Variants in PLA2G12A observed in about 807,000 individuals in gnomAD.
The protein encoded by PLA2G12A is phospholipase A2 group XIIA.
A neutral mutation model predicts 16.0 loss-of-function variants in PLA2G12A; 11 were observed. That is an observed-to-expected ratio of 0.69 (90% CI 0.43 to 1.13). The LOEUF is 1.13. Among genes scored for constraint, PLA2G12A ranks in the 50% most tolerant of loss-of-function variants. PLA2G12A has a pLI of 0.00. For missense variants in PLA2G12A, 214 were observed against 237.3 expected (o/e 0.90, Z 0.65); for synonymous variants, 77 against 93.8 (o/e 0.82, Z 1.03).
In PLA2G12A at chr4:109,717,564, T is replaced by C. The variant is rs1730849140; in HGVS notation, c.435A>G (p.Leu145=). ...CATCCTTACCCTGAACATGCTGAGT[T>C]AGTCCTAGTGTTTTCTGTACATCTC... ...ICRDVQKTLG[L]TQHVQACETT... is the part of the protein sequence containing the mutation. Residue 145 remains leucine, a synonymous_variant, in exon 3 of 4, where the codon CTA becomes CTG. Coordinates refer to ENST00000243501, the MANE Select transcript of PLA2G12A (RefSeq NM_030821.5). The C allele has an allele frequency of 6.2e-7, 1 of 1,613,796 alleles. No homozygotes were observed. The highest frequency in any genetic ancestry group is 8.5e-7 in the Non-Finnish European group (1 of 1,179,720).
Position 109,718,664 on chromosome 4 carries a change from AAT to A in PLA2G12A, c.285+17_285+18del. The A allele has an allele frequency of 6.5e-7, 1 of 1,549,118 alleles. No individual in the cohort carries two copies. Among genetic ancestry groups the A allele is most frequent in the Admixed American group, 1.8e-5 (1 of 55,400 alleles). On this transcript the variant is annotated intron_variant, in intron 2 of 3. Transcript: ENST00000243501. ...GATTTACCAGTTACAAAACTTATCAAATAAAAGACAATATTTACATGAACACC... is the reference window on the plus strand; with the variant it reads ...GATTTACCAGTTACAAAACTTATCAAAAAAGACAATATTTACATGAACACC...
chr4:109,719,701 G>A (rs1297109144), intron 1 of PLA2G12A, among the ~76,000 whole-genome samples: 1 of 152,114 alleles, frequency 6.6e-6, no homozygotes, highest in Non-Finnish European at 1.5e-5. Context: ...GCATATAAAA[G>A]TTTTGTTTAC....
chr4:109,715,047 G>A (rs905010482), intron 3 of PLA2G12A, among the ~76,000 whole-genome samples: 4 of 152,104 alleles, frequency 2.6e-5, no homozygotes, highest in Non-Finnish European at 4.4e-5. Context: ...CTGGACTCAG[G>A]CAGTCCTCCT....
In PLA2G12A at chr4:109,717,613, T is replaced by C; in HGVS notation, c.386A>G (p.Gln129Arg). 6.2e-7 allele frequency: 1 copy of C among 1,613,858 alleles called. No homozygotes were observed. Among genetic ancestry groups the C allele is most frequent in the Non-Finnish European group, 8.5e-7 (1 of 1,179,714 alleles). The change falls in exon 3 of 4, where the codon CAG (glutamine) becomes CGG (arginine). Residue 129 changes from glutamine (Q) to arginine (R), a missense_variant. Transcript: ENST00000243501. ...KSKNDCDEEF[Q>R]YCLSKICRDV... Reference sequence around the variant, plus strand: ...TCGGCAGATCTTGGAGAGGCAATACTGGAATTCTTCATCACAGTCATTCTT... The same window carrying C: ...TCGGCAGATCTTGGAGAGGCAATACCGGAATTCTTCATCACAGTCATTCTT...
chr4:109,717,550 T>C lies in PLA2G12A; in HGVS notation c.449A>G (p.Gln150Arg). ...CCAAGCCACCAGATCATCCTTACCC[T>C]GAACATGCTGAGTTAGTCCTAGTGT... ...QKTLGLTQHV[Q>R]ACETTVELLF... The change falls in exon 3 of 4, where the codon CAG (glutamine) becomes CGG (arginine). Residue 150 changes from glutamine to arginine, a missense_variant and splice_region_variant. By Grantham distance (43) the Gln-to-Arg change is conservative. Transcript: ENST00000243501. 1 of 1,613,360 alleles carries C rather than the reference T, an allele frequency of 6.2e-7. No homozygotes were observed. The highest frequency in any genetic ancestry group is 8.5e-7 in the Non-Finnish European group (1 of 1,179,384).
At position 109,725,997 on chromosome 4, in the gene PLA2G12A, A is replaced by G. The variant is rs1293290606; in HGVS notation, c.208+3605T>C. Among the ~76,000 whole-genome samples, 5 of 152,128 alleles carry G rather than the reference A, an allele frequency of 3.3e-5. No homozygotes were observed. The East Asian group carries it at 9.6e-4, about 29-fold the overall frequency. On this transcript the variant is annotated intron_variant, in intron 1 of 3. Transcript: ENST00000243501. ...CAAATCTCCAACATCCCCATTCCCC[A>G]TCTTCTCTGTCAGCTGATGACCTGG...
chr4:109,716,144 G>T (rs1306755168), intron 3 of PLA2G12A, among the ~76,000 whole-genome samples: 1 of 152,222 alleles, frequency 6.6e-6, no homozygotes, highest in Admixed American at 6.5e-5. Flanking sequence ...TTTACAGCTA[G>T]TTTACCTTAG....
chr4:109,728,400 T>C (rs559929847), intron 1 of PLA2G12A, among the ~76,000 whole-genome samples: 52 of 152,362 alleles, frequency 3.4e-4, no homozygotes, highest in African/African-American at 1.1e-3. Flanking sequence ...TAAGTAAAAC[T>C]GTAACATTTG....
intron 1 of PLA2G12A, among the ~76,000 whole-genome samples, chr4:109,724,335 G>A (rs1722878588): frequency 6.6e-6 from 1 of 152,082 alleles, no homozygotes; most frequent in African/African-American, 2.4e-5. Context: ...GTGTTGGTCA[G>A]GCTGGTCTTG....
chr4:109,719,431 A>G (rs1300432152), intron 1 of PLA2G12A, among the ~76,000 whole-genome samples: 1 of 152,166 alleles, frequency 6.6e-6, no homozygotes, highest in African/African-American at 2.4e-5. Flanking sequence ...GTACTCCAGA[A>G]GTACTGTAGT....
chr4:109,720,602 AAAATATATATATATATATATATATATAT>A (rs1245855865), intron 1 of PLA2G12A, among the ~76,000 whole-genome samples: 2 of 21,976 alleles, frequency 9.1e-5, no homozygotes, highest in East Asian at 1.6e-3. Flanking sequence ...AAAAAAAAAA[AAAATATATATATATATATATATATATAT>A]ATATATATAT....
chr4:109,725,561 G>C (rs1288443715), intron 1 of PLA2G12A, among the ~76,000 whole-genome samples: 2 of 152,154 alleles, frequency 1.3e-5, no homozygotes, highest in East Asian at 3.8e-4. Flanking sequence ...AAATTTGTAA[G>C]CGGATACAAA....
At position 109,719,547 on chromosome 4, in the gene PLA2G12A, T is replaced by C. The variant is rs200695589; in HGVS notation, c.209-788A>G. Among the ~76,000 whole-genome samples the C allele has an allele frequency of 1.1e-4, 17 of 152,324 alleles. No individual in the cohort carries two copies. The East Asian group carries it at 3.1e-3, about 28-fold the overall frequency. The stretch of plus-strand genomic sequence containing the variant: ...AAAGATGACATTATCATAGCAATCT[T>C]AAATTTTGGAGGGTACTTCAGAAAC... On this transcript the variant is annotated intron_variant, in intron 1 of 3. Coordinates refer to ENST00000243501, the MANE Select transcript of PLA2G12A (RefSeq NM_030821.5).
chr4:109,729,703 T>C lies in PLA2G12A; in HGVS notation c.107A>G (p.Lys36Arg). The change falls in exon 1 of 4, where the codon AAG becomes AGG. Residue 36 changes from lysine to arginine, a missense_variant. Coordinates refer to ENST00000243501, the MANE Select transcript of PLA2G12A (RefSeq NM_030821.5). Reference protein sequence around the residue: ...AQTTDWRATLKTIRNGVHKID... With the variant: ...AQTTDWRATLRTIRNGVHKID... ...CTTATGAACGCCGTTCCGGATGGTC[T>C]TCAGGGTGGCTCTCCAGTCGGTGGT... The C allele has an allele frequency of 6.2e-7, 1 of 1,610,300 alleles. No individual in the cohort carries two copies. Among genetic ancestry groups the C allele is most frequent in the Non-Finnish European group, 8.5e-7 (1 of 1,179,192 alleles).
chr4:109,725,872 A>G (rs1479630543), intron 1 of PLA2G12A, among the ~76,000 whole-genome samples: 1 of 152,116 alleles, frequency 6.6e-6, no homozygotes, highest in African/African-American at 2.4e-5. Context: ...TCCAACCTGC[A>G]CTCCCAAACA....
chr4:109,724,133 G>GT (rs892169050), intron 1 of PLA2G12A, among the ~76,000 whole-genome samples: 10 of 152,140 alleles, frequency 6.6e-5, no homozygotes, highest in Admixed American at 4.6e-4. Flanking sequence ...TTGTTTGTTT[G>GT]TTTTTTTCTG....
chr4:109,726,492 C>G (rs13127041), intron 1 of PLA2G12A, among the ~76,000 whole-genome samples: 4 of 152,156 alleles, frequency 2.6e-5, no homozygotes, highest in African/African-American at 7.2e-5. Flanking sequence ...TGCTACCAAC[C>G]TGAGCAAAAT....
At position 109,728,568 on chromosome 4, in the gene PLA2G12A, G is replaced by A. The variant is rs537647802; in HGVS notation, c.208+1034C>T. Among the ~76,000 whole-genome samples the A allele has an allele frequency of 2.0e-5, 3 of 152,274 alleles. No homozygotes were observed. In the East Asian group the frequency reaches 5.8e-4, roughly 29 times the overall value. ...CAACATGTCTCAGCACCTGTTCAGC[G>A]CTTTAAAGTATACAAGATACAGTTC... is the stretch of plus-strand genomic sequence containing the variant. On this transcript the variant is annotated intron_variant, in intron 1 of 3. Transcript: ENST00000243501.
Position 109,728,575 on chromosome 4 carries a change from A to G in PLA2G12A, c.208+1027T>C, listed in dbSNP as rs896954766. ...TCTCAGCACCTGTTCAGCGCTTTAA[A>G]GTATACAAGATACAGTTCATCCTTT... On this transcript the variant is annotated intron_variant, in intron 1 of 3. Coordinates refer to ENST00000243501, the MANE Select transcript of PLA2G12A (RefSeq NM_030821.5). Among the ~76,000 whole-genome samples, 3 of 152,258 alleles carry G rather than the reference A, an allele frequency of 2.0e-5. No individual in the cohort carries two copies. In the East Asian group the frequency reaches 5.8e-4, roughly 29 times the overall value.
Sources: gnomAD v4.1 joint callset for allele counts (sites outside exome capture counted in the v4.1 genomes callset) on GRCh38, gnomAD v4.1.1 for gene constraint, MANE v1.5 for transcripts, NCBI Gene and HGNC (gene_info 2026-07-23, HGNC 2026-07-21) for gene names.